GRAMD1B: variants seen among roughly 807,000 people sequenced by gnomAD.
GRAMD1B encodes protein Aster-B.
GRAMD1B carries 37 observed loss-of-function variants against 99.7 expected under a neutral mutation model. That is an observed-to-expected ratio of 0.37 (90% CI 0.29 to 0.49). The LOEUF is 0.49. Among genes scored for constraint, GRAMD1B ranks in the 20% least tolerant of loss-of-function variants. The probability of loss-of-function intolerance (pLI) is 0.98; values close to 1 mark genes in which losing one functional copy is unlikely to be tolerated. For missense variants in GRAMD1B, 888 were observed against 1,009.2 expected (o/e 0.88, Z 1.63); for synonymous variants, 427 against 387.6 (o/e 1.10, Z -1.19).
In GRAMD1B at chr11:123,624,113, G is replaced by A. The variant is rs906510824; in HGVS notation, c.*1518G>A. On this transcript the variant is annotated 3_prime_UTR_variant, in exon 20 of 20. Coordinates refer to ENST00000635736, the MANE Select transcript of GRAMD1B (RefSeq NM_001387025.1). ...CCCACCAGCTCCAGGCAGAGCTTGTGGAGATTCATGAAAGAGTCATAGCCA... is the reference window on the plus strand; with the variant it reads ...CCCACCAGCTCCAGGCAGAGCTTGTAGAGATTCATGAAAGAGTCATAGCCA... 2 of 152,160 alleles carry A rather than the reference G, an allele frequency of 1.3e-5. No homozygotes were observed. Among genetic ancestry groups the A allele is most frequent in the African/African-American group, 2.4e-5 (1 of 41,428 alleles). 9.4% of individuals were successfully genotyped at this position (152,160 alleles called of 1,614,324 possible).
At position 123,596,030 on chromosome 11, in the gene GRAMD1B, C is replaced by A; in HGVS notation, c.962C>A (p.Ser321Ter). Residue 321 changes from serine (S) to a stop codon, truncating the protein, a stop_gained, in exon 7 of 20, where the codon TCA (serine) becomes TAA (stop). Transcript: ENST00000635736. LOFTEE classifies it high-confidence loss of function. ...AATGCCATCCAAGTTTGCACTGATT[C>A]AGAAAAGGTAAGTGGAGTCTAACTC... ...IPNAIQVCTD[S>*]EKHFFTSFGA... 6.3e-7 allele frequency: 1 copy of A among 1,585,950 alleles called. No individual in the cohort carries two copies. Among genetic ancestry groups the A allele is most frequent in the South Asian group, 1.1e-5 (1 of 88,440 alleles).
At chr11:123,376,528 A>T (rs935508076) in intron 1 of GRAMD1B, among the ~76,000 whole-genome samples, 1 of 152,220 alleles carries the variant, frequency 6.6e-6, no homozygotes, top group East Asian at 1.9e-4. Flanking sequence ...GAATTCTGAT[A>T]CAGACAATCG....
chr11:123,577,186 C>T (rs1024440910), intron 2 of GRAMD1B, among the ~76,000 whole-genome samples, 181 bp from the exon 3 acceptor site: 2 of 152,256 alleles, frequency 1.3e-5, no homozygotes, highest in African/African-American at 4.8e-5. Context: ...CCGTGGCCAA[C>T]GGCAGTATTA....
chr11:123,440,248 C>T lies in GRAMD1B; in HGVS notation c.374+9082C>T, dbSNP rs148291115. On this transcript the variant is annotated intron_variant, in intron 1 of 19. Coordinates refer to ENST00000635736, the MANE Select transcript of GRAMD1B (RefSeq NM_001387025.1). Reference sequence around the variant, plus strand: ...CAACGCGGCCAGATGCAGTGGCTCACGCCTGTAATCCTAGCACTTTGGGAG... The same window carrying T: ...CAACGCGGCCAGATGCAGTGGCTCATGCCTGTAATCCTAGCACTTTGGGAG... 5.9e-5 allele frequency among the ~76,000 whole-genome samples: 9 copies of T among 152,314 alleles called. 1 individual carries two copies. The highest frequency in any genetic ancestry group is 5.8e-4 in the East Asian group (3 of 5,180).
intron 1 of GRAMD1B, among the ~76,000 whole-genome samples, chr11:123,444,303 T>C (rs1306474285): frequency 6.6e-6 from 1 of 152,214 alleles, no homozygotes; most frequent in Non-Finnish European, 1.5e-5. Flanking sequence ...TGTTGTCTTA[T>C]TGCAACATAG....
chr11:123,597,917 C>T (rs1951483420), intron 7 of GRAMD1B: 1 of 1,021,334 alleles, frequency 9.8e-7, no homozygotes, highest in Non-Finnish European at 1.6e-6. Context: ...TGGGCTAGCC[C>T]CAAAGCTGAG....
intron 1 of GRAMD1B, among the ~76,000 whole-genome samples, chr11:123,437,243 T>A (rs1216956589): frequency 6.6e-6 from 1 of 152,210 alleles, no homozygotes; most frequent in Non-Finnish European, 1.5e-5. Flanking sequence ...TTAGCATTAA[T>A]ACTCACATGT....
intron 2 of GRAMD1B, among the ~76,000 whole-genome samples, chr11:123,567,366 C>T (rs1947506768): frequency 6.6e-6 from 1 of 152,208 alleles, no homozygotes; most frequent in Non-Finnish European, 1.5e-5. Context: ...GGATTTACTG[C>T]AGATGAGCCC....
At chr11:123,608,205 C>A in intron 11 of GRAMD1B, 1 of 389,278 alleles carries the variant, frequency 2.6e-6, no homozygotes, top group Non-Finnish European at 4.7e-6. Flanking sequence ...ACTGATTCTT[C>A]CAGATTAGTC....
At chr11:123,514,116 G>A (rs1941439300) in intron 2 of GRAMD1B, among the ~76,000 whole-genome samples, 1 of 152,134 alleles carries the variant, frequency 6.6e-6, no homozygotes, top group Non-Finnish European at 1.5e-5. Flanking sequence ...GTTGTTCATG[G>A]GTCCTCGGGG....
chr11:123,609,882 C>T lies in GRAMD1B; in HGVS notation c.1745C>T (p.Ala582Val). The T allele has an allele frequency of 6.3e-7, 1 of 1,593,992 alleles. No homozygotes were observed. Residue 582 changes from alanine to valine, a missense_variant, in exon 13 of 20, where the codon GCT becomes GTT. By Grantham distance (64) the Ala-to-Val change is moderately conservative. This residue lies in a region of GRAMD1B where 92 missense variants were observed against 156.9 expected (regional missense o/e 0.59). Transcript: ENST00000635736. ...ACCATCACCCTTACCAACCCTCTGG[C>T]TCCCAAAACTGCCACTGTCAGGGAG... Reference protein sequence around the residue: ...LYTITLTNPLAPKTATVRETQ... With the variant: ...LYTITLTNPLVPKTATVRETQ...
chr11:123,599,322 C>T (rs1408755275), intron 7 of GRAMD1B: 11 of 705,360 alleles, frequency 1.6e-5, no homozygotes, highest in South Asian at 6.8e-5. Flanking sequence ...TTGCGTGGCC[C>T]GAGTGCAGTG....
intron 19 of GRAMD1B, 24 bp downstream of exon 19, chr11:123,619,248 T>G: frequency 4.5e-6 from 7 of 1,550,982 alleles, no homozygotes; most frequent in Non-Finnish European, 6.1e-6. Context: ...CCTTCTCTGC[T>G]TGCCCTGGTC....
At chr11:123,431,403 G>A (rs972608180) in intron 1 of GRAMD1B, among the ~76,000 whole-genome samples, 1 of 152,252 alleles carries the variant, frequency 6.6e-6, no homozygotes, top group African/African-American at 2.4e-5. Flanking sequence ...TTTACGTGGG[G>A]CTTTACGCTG....
At chr11:123,618,498 T>A (rs1415420432) in intron 17 of GRAMD1B, 195 bp from the exon 18 acceptor site, 2 of 855,994 alleles carry the variant, frequency 2.3e-6, no homozygotes, top group Non-Finnish European at 4.1e-6. Flanking sequence ...TCCATGGCTC[T>A]CCCCTGTATC....
chr11:123,469,353 G>C (rs1486196102), intron 1 of GRAMD1B, among the ~76,000 whole-genome samples: 1 of 152,180 alleles, frequency 6.6e-6, no homozygotes, highest in Admixed American at 6.5e-5. Flanking sequence ...GAGTGGCAAT[G>C]GGGAGGGCAG....
intron 1 of GRAMD1B, among the ~76,000 whole-genome samples, chr11:123,381,256 G>A (rs550904481): frequency 1.2e-4 from 18 of 152,252 alleles, no homozygotes; most frequent in South Asian, 2.1e-4. Context: ...CTGAGAGTCC[G>A]GGCTCTAGGA....
At chr11:123,584,234 T>A (rs1949792584) in intron 3 of GRAMD1B, 78 bp from the exon 4 acceptor site, 1 of 770,702 alleles carries the variant, frequency 1.3e-6, no homozygotes, top group East Asian at 3.0e-5. Flanking sequence ...CTCCGCTGTC[T>A]GTGTGCCCTT....
Position 123,430,749 on chromosome 11 carries a change from C to T in GRAMD1B, c.-44C>T, listed in dbSNP as rs979681089. On this transcript the variant is annotated 5_prime_UTR_variant, in exon 1 of 20. Coordinates refer to ENST00000635736, the MANE Select transcript of GRAMD1B (RefSeq NM_001387025.1). Reference sequence around the variant, plus strand: ...CAGCCAGAGGGAGACGCGAACCAGGCCGCTGGCGGAGGGCTCAGGGGGAGC... The same window carrying T: ...CAGCCAGAGGGAGACGCGAACCAGGTCGCTGGCGGAGGGCTCAGGGGGAGC... 9 of 615,816 alleles carry T rather than the reference C, an allele frequency of 1.5e-5. No individual in the cohort carries two copies. The highest frequency in any genetic ancestry group is 2.6e-5 in the Non-Finnish European group (9 of 347,440). 38.1% of individuals were successfully genotyped at this position (615,816 alleles called of 1,614,324 possible). A position where few individuals can be genotyped will look rare whatever the true frequency, so the allele number is the denominator to read the frequency against.
Sources: gnomAD v4.1 joint callset for allele counts (sites outside exome capture counted in the v4.1 genomes callset) on GRCh38, gnomAD v4.1.1 for gene constraint, gnomAD v4.1.1 regional missense constraint, MANE v1.5 for transcripts, NCBI Gene and HGNC (gene_info 2026-07-23, HGNC 2026-07-21) for gene names.